Variants in OR56A3 observed in about 807,000 individuals in gnomAD.
OR56A3 encodes the protein olfactory receptor 56A3.
OR56A3 carries 23 observed loss-of-function variants against 17.5 expected under a neutral mutation model. The ratio of observed to expected loss-of-function variants is 1.32; its 90% CI spans 0.95 to 1.87. The LOEUF (loss-of-function observed/expected upper bound fraction) is 1.87. OR56A3 is among the 40% of genes most tolerant of loss of function. The pLI, the probability that OR56A3 is intolerant of heterozygous loss-of-function variation, is 0.00. For missense variants in OR56A3, 366 were observed against 380.1 expected (o/e 0.96, Z 0.31); for synonymous variants, 175 against 150.6 (o/e 1.16, Z -1.19).
chr11:5,973,923 G>A, the OR56A3 span, among the ~76,000 whole-genome samples: 59 of 152,198 alleles, frequency 3.9e-4, no homozygotes, highest in African/African-American at 1.4e-3. Flanking sequence ...TGTAGCCAGA[G>A]GTCCTATTGG....
chr11:5,944,333 G>C (rs1180168637), intron 1 of OR56A3, among the ~76,000 whole-genome samples: 1 of 152,178 alleles, frequency 6.6e-6, no homozygotes, highest in Admixed American at 6.5e-5. Context: ...CAATACAAAA[G>C]GGGAATAAGG....
the OR56A3 span, among the ~76,000 whole-genome samples, chr11:5,973,088 A>C: frequency 6.6e-6 from 1 of 152,214 alleles, no homozygotes; most frequent in East Asian, 1.9e-4. Context: ...ATAGTAACTG[A>C]AATTCAACTC....
At chr11:5,994,602 C>T in the OR56A3 span, 1 of 792,754 alleles carries the variant, frequency 1.3e-6, no homozygotes, top group African/African-American at 1.7e-5. Context: ...TCATCAATGA[C>T]CTTGTGGAGC....
rs541697035 is a variant in OR56A3 at position 5,948,514 on chromosome 11, A to G, written c.*220A>G. 13 of 508,366 alleles carry G rather than the reference A, an allele frequency of 2.6e-5. No homozygotes were observed. The highest frequency in any genetic ancestry group is 3.8e-5 in the Non-Finnish European group (11 of 288,916). 31.5% of individuals were successfully genotyped at this position (508,366 alleles called of 1,614,324 possible). A position where few individuals can be genotyped will look rare whatever the true frequency, so the allele number is the denominator to read the frequency against. On this transcript the variant is annotated 3_prime_UTR_variant, in exon 3 of 3. Coordinates refer to ENST00000641160, the MANE Select transcript of OR56A3 (RefSeq NM_001003443.3). ...CCCTCTCTCGTTTTATTCCATGCTT[A>G]TAATCATATTTTGTCCAAAACACTG...
the OR56A3 span, among the ~76,000 whole-genome samples, chr11:5,991,770 A>G: frequency 1.3e-5 from 2 of 152,188 alleles, no homozygotes; most frequent in African/African-American, 4.8e-5. Flanking sequence ...TCTTCATCTG[A>G]AAGGAAAGTT....
chr11:5,987,161 G>A, the OR56A3 span, among the ~76,000 whole-genome samples: 1 of 152,170 alleles, frequency 6.6e-6, no homozygotes, highest in Non-Finnish European at 1.5e-5. Flanking sequence ...TTGGAGAGAT[G>A]CTTAAACTCT....
At chr11:5,986,835 C>G in the OR56A3 span, 7 of 1,613,972 alleles carry the variant, frequency 4.3e-6, no homozygotes, top group Non-Finnish European at 5.9e-6. Context: ...GAATCCCTAC[C>G]AGGAGAAAAG....
chr11:5,963,151 T>C, the OR56A3 span, among the ~76,000 whole-genome samples: 2 of 152,198 alleles, frequency 1.3e-5, no homozygotes, highest in East Asian at 3.8e-4. Flanking sequence ...GTTGATCTTT[T>C]ATATATTTTT....
chr11:5,961,975 A>G, the OR56A3 span, among the ~76,000 whole-genome samples: 1 of 152,172 alleles, frequency 6.6e-6, no homozygotes, highest in African/African-American at 2.4e-5. Context: ...CTTGTTCCAG[A>G]TCTCGGAGAA....
Position 5,950,118 on chromosome 11 carries a change from A to T in OR56A3, c.*1824A>T, listed in dbSNP as rs951047881. Reference sequence around the variant, plus strand: ...AGGTAAATTTAAGCCACCACCTCTTAGGAAATATTAAAAATCTGAAAGTTT... The same window carrying T: ...AGGTAAATTTAAGCCACCACCTCTTTGGAAATATTAAAAATCTGAAAGTTT... On this transcript the variant is annotated 3_prime_UTR_variant, in exon 3 of 3. Transcript: ENST00000641160. 3.9e-5 allele frequency: 6 copies of T among 152,218 alleles called. No individual in the cohort carries two copies. Among genetic ancestry groups the T allele is most frequent in the African/African-American group, 7.2e-5 (3 of 41,458 alleles). The allele number at this position is 152,218 out of a possible 1,614,324, so 9.4% of individuals were successfully genotyped here. A position where few individuals can be genotyped will look rare whatever the true frequency, so the allele number is the denominator to read the frequency against.
chr11:5,966,133 G>A, the OR56A3 span, among the ~76,000 whole-genome samples: 2 of 151,194 alleles, frequency 1.3e-5, no homozygotes, highest in Non-Finnish European at 2.9e-5. Flanking sequence ...CACTTTGGGA[G>A]GCTGAGGCAG....
At chr11:5,946,086 T>C (rs1847867934) in intron 2 of OR56A3, among the ~76,000 whole-genome samples, 1 of 152,234 alleles carries the variant, frequency 6.6e-6, no homozygotes, top group Non-Finnish European at 1.5e-5. Flanking sequence ...CTTGCCAAGC[T>C]ACAGTGTTCT....
At chr11:5,956,465 C>T in the OR56A3 span, among the ~76,000 whole-genome samples, 5 of 151,984 alleles carry the variant, frequency 3.3e-5, no homozygotes, top group Admixed American at 3.3e-4. Flanking sequence ...GTCTTTGAGT[C>T]CTGAAAGACC....
rs769710737 is a variant in OR56A3 at position 5,947,512 on chromosome 11, G to C, written c.166G>C (p.Glu56Gln). ...NTTLLMTIWL[E>Q]ASLHQPLYYL... is the part of the protein sequence containing the mutation. ...CACCCTCCTGATGACCATCTGGCTG[G>C]AGGCCTCTCTGCACCAGCCCCTGTA... Residue 56 changes from glutamate to glutamine, a missense_variant, in exon 3 of 3, where the codon GAG (glutamate) becomes CAG (glutamine). Transcript: ENST00000641160. 5.0e-6 allele frequency: 8 copies of C among 1,613,930 alleles called. No homozygotes were observed. Among genetic ancestry groups the C allele is most frequent in the Non-Finnish European group, 6.8e-6 (8 of 1,179,900 alleles).
At chr11:5,975,778 G>T in the OR56A3 span, among the ~76,000 whole-genome samples, 95 of 152,024 alleles carry the variant, frequency 6.2e-4, no homozygotes, top group African/African-American at 2.1e-3. Flanking sequence ...CTGAGGAATC[G>T]CCACACTGAC....
chr11:5,942,515 A>G (rs2134359008), intron 1 of OR56A3, 141 bp downstream of exon 1: 1 of 152,296 alleles, frequency 6.6e-6, no homozygotes, highest in Non-Finnish European at 1.5e-5. Context: ...CATAATTTGG[A>G]GCCAAGTAAA....
chr11:5,985,895 G>A, the OR56A3 span: 13 of 1,519,530 alleles, frequency 8.6e-6, no homozygotes, highest in South Asian at 1.4e-4. Context: ...CCTGGCTGTG[G>A]TCCGCAGAAG....
chr11:5,989,578 T>G, the OR56A3 span, among the ~76,000 whole-genome samples: 1 of 152,188 alleles, frequency 6.6e-6, no homozygotes, highest in Non-Finnish European at 1.5e-5. Flanking sequence ...AAGTGCTTAG[T>G]AAATGTTAAT....
the OR56A3 span, among the ~76,000 whole-genome samples, chr11:5,963,840 C>G: frequency 0.022 from 3,377 of 152,226 alleles, 121 homozygotes; most frequent in African/African-American, 0.077. Flanking sequence ...GTACATTGTA[C>G]ATTTCATCTT....
Sources: allele counts gnomAD v4.1 joint callset (sites outside exome capture counted in the v4.1 genomes callset), GRCh38; gene constraint gnomAD v4.1.1; transcripts MANE v1.5; gene names NCBI Gene and HGNC (gene_info 2026-07-23, HGNC 2026-07-21).